The following TCF7L1 variants were observed in gnomAD, a reference collection of about 807,000 sequenced individuals.
The protein encoded by TCF7L1 is transcription factor 7-like 1.
Under a neutral mutation model 63.7 loss-of-function variants are expected in TCF7L1, and 18 were observed. That is an observed-to-expected ratio of 0.28 (90% CI 0.20 to 0.42). TCF7L1 has a LOEUF of 0.42. Ranked by LOEUF, TCF7L1 falls within the 10% of genes least tolerant of loss-of-function variation. The pLI is 1.00. For missense variants in TCF7L1, 654 were observed against 779.3 expected (o/e 0.84, Z 1.91); for synonymous variants, 355 against 340.9 (o/e 1.04, Z -0.46).
intron 4 of TCF7L1, among the ~76,000 whole-genome samples, chr2:85,291,774 G>A (rs372077864): frequency 2.0e-5 from 3 of 152,186 alleles, no homozygotes; most frequent in African/African-American, 7.2e-5. Flanking sequence ...TAGTGCAGTG[G>A]CATGATCATA....
intron 3 of TCF7L1, among the ~76,000 whole-genome samples, chr2:85,259,449 A>G (rs17713150): frequency 0.014 from 2,114 of 152,248 alleles, 38 homozygotes; most frequent in African/African-American, 0.049. Flanking sequence ...TTGTTCTTTC[A>G]GTGGTTTGGC....
intron 3 of TCF7L1, among the ~76,000 whole-genome samples, chr2:85,239,763 T>A (rs1040491725): frequency 2.0e-5 from 3 of 151,832 alleles, no homozygotes; most frequent in Non-Finnish European, 4.4e-5. Context: ...ACCAACATGA[T>A]GAAACCCCAT....
intron 3 of TCF7L1, among the ~76,000 whole-genome samples, chr2:85,160,226 G>A (rs1678254321): frequency 6.6e-6 from 1 of 152,122 alleles, no homozygotes; most frequent in Non-Finnish European, 1.5e-5. Flanking sequence ...CCACTGCTCT[G>A]TTCTCCAACA....
intron 3 of TCF7L1, among the ~76,000 whole-genome samples, chr2:85,200,729 G>A (rs1473343579): frequency 6.6e-6 from 1 of 152,170 alleles, no homozygotes; most frequent in Admixed American, 6.5e-5. Flanking sequence ...AACTACATGA[G>A]AACCGCAAGA....
chr2:85,231,434 G>A lies in TCF7L1; in HGVS notation c.442-52061G>A, dbSNP rs139869009. ...CTCTGCCTGAACACCTGCAGTGATG[G>A]GGGCAGCCTAGAGCAAACTGAATTC... On this transcript the variant is annotated intron_variant, in intron 3 of 11. Coordinates refer to ENST00000282111, the MANE Select transcript of TCF7L1 (RefSeq NM_031283.3). Among the ~76,000 whole-genome samples, 209 of 152,288 alleles carry A rather than the reference G, an allele frequency of 1.4e-3. 1 individual carries two copies. Among genetic ancestry groups the A allele is most frequent in the African/African-American group, 4.9e-3 (203 of 41,560 alleles).
intron 3 of TCF7L1, among the ~76,000 whole-genome samples, chr2:85,274,876 G>A (rs4441469): frequency 0.26 from 39,505 of 151,916 alleles, 5,618 homozygotes; most frequent in East Asian, 0.57. Context: ...CAAGCTCCCC[G>A]CATGCCCCAC....
intron 3 of TCF7L1, among the ~76,000 whole-genome samples, chr2:85,228,914 G>A (rs1224638766): frequency 2.0e-5 from 3 of 151,316 alleles, no homozygotes; most frequent in Non-Finnish European, 4.4e-5. Context: ...CCAGCTACTC[G>A]GGAGGCTGAG....
intron 3 of TCF7L1, among the ~76,000 whole-genome samples, chr2:85,245,039 C>G (rs145407739): frequency 1.3e-3 from 198 of 152,278 alleles, no homozygotes; most frequent in African/African-American, 4.4e-3. Flanking sequence ...AAATGCAGGT[C>G]TTTGCTGTCC....
chr2:85,194,644 C>T (rs1007380782), intron 3 of TCF7L1, among the ~76,000 whole-genome samples: 5 of 152,080 alleles, frequency 3.3e-5, no homozygotes, highest in African/African-American at 1.2e-4. Flanking sequence ...ATTGTGTGCC[C>T]CCAGGTGCCC....
chr2:85,153,968 G>A (rs1678081568), intron 3 of TCF7L1, among the ~76,000 whole-genome samples: 1 of 152,152 alleles, frequency 6.6e-6, no homozygotes, highest in South Asian at 2.1e-4. Flanking sequence ...CTTTCCATGT[G>A]TAATTTTTGA....
rs138227134 is a variant in TCF7L1, at chr2:85,271,253, C to T, written c.442-12242C>T. On this transcript the variant is annotated intron_variant, in intron 3 of 11. Coordinates refer to ENST00000282111, the MANE Select transcript of TCF7L1 (RefSeq NM_031283.3). ...TCAGCCTCCCAAGTAGCTAGGATTA[C>T]AGGCACCCGCCACCACACCCGGCTA... Among the ~76,000 whole-genome samples the T allele has an allele frequency of 2.7e-3, 409 of 152,212 alleles. 3 individuals are homozygous for T. The highest frequency in any genetic ancestry group is 9.0e-3 in the African/African-American group (375 of 41,506).
intron 3 of TCF7L1, among the ~76,000 whole-genome samples, chr2:85,135,286 T>C (rs879095831): frequency 2.0e-5 from 3 of 151,708 alleles, no homozygotes; most frequent in Non-Finnish European, 4.4e-5. Flanking sequence ...GGCCTTTGTG[T>C]CCCCCAAGCC....
At chr2:85,277,918 G>T (rs1368566109) in intron 3 of TCF7L1, among the ~76,000 whole-genome samples, 2 of 152,174 alleles carry the variant, frequency 1.3e-5, no homozygotes, top group Admixed American at 6.5e-5. Flanking sequence ...GTGGGACAGG[G>T]TGAGGACGGC....
At chr2:85,207,263 A>C (rs1336656096) in intron 3 of TCF7L1, among the ~76,000 whole-genome samples, 1 of 152,180 alleles carries the variant, frequency 6.6e-6, no homozygotes, top group Non-Finnish European at 1.5e-5. Context: ...CACACAAAGC[A>C]GTGGTTGCTG....
At chr2:85,144,721 G>C (rs6759827) in intron 3 of TCF7L1, among the ~76,000 whole-genome samples, 7,825 of 132,096 alleles carry the variant, frequency 0.059, 186 homozygotes, top group Middle Eastern at 0.1. Context: ...CTCTCTCTCT[G>C]TGTGTGTGTG....
intron 3 of TCF7L1, among the ~76,000 whole-genome samples, chr2:85,170,620 C>T (rs188872265): frequency 1.1e-4 from 17 of 152,318 alleles, no homozygotes; most frequent in East Asian, 9.6e-4. Context: ...TTCTTCCTCT[C>T]TCTCTCTCGC....
intron 4 of TCF7L1, among the ~76,000 whole-genome samples, chr2:85,298,181 G>T (rs1417454270): frequency 1.2e-4 from 2 of 16,132 alleles, no homozygotes; most frequent in African/African-American, 2.0e-3. Flanking sequence ...GACAGAGTGA[G>T]ACTCCATCTC....
chr2:85,257,425 G>A (rs989305815), intron 3 of TCF7L1, among the ~76,000 whole-genome samples: 7 of 152,312 alleles, frequency 4.6e-5, no homozygotes, highest in East Asian at 1.9e-4. Context: ...TGGAGTGGGC[G>A]CTGAGCTCCC....
intron 3 of TCF7L1, among the ~76,000 whole-genome samples, chr2:85,259,705 G>A (rs558108433): frequency 2.0e-5 from 3 of 152,292 alleles, no homozygotes; most frequent in South Asian, 2.1e-4. Flanking sequence ...CTTGGATAGA[G>A]ACCCTTTGAG....
Sources: allele counts gnomAD v4.1 joint callset (sites outside exome capture counted in the v4.1 genomes callset), GRCh38; gene constraint gnomAD v4.1.1; transcripts MANE v1.5; gene names NCBI Gene and HGNC (gene_info 2026-07-23, HGNC 2026-07-21).